Variants in SIGLEC6 observed in about 807,000 individuals in gnomAD.
SIGLEC6 encodes the protein sialic acid-binding Ig-like lectin 6.
Under a neutral mutation model 41.4 loss-of-function variants are expected in SIGLEC6, and 31 were observed. The ratio of observed to expected loss-of-function variants is 0.75; its 90% CI spans 0.56 to 1.01. The LOEUF (loss-of-function observed/expected upper bound fraction) is 1.01, where lower values mean the gene tolerates loss of function less well. Ranked by LOEUF, SIGLEC6 falls within the 50% of genes least tolerant of loss-of-function variation. SIGLEC6 has a pLI of 0.00. For missense variants in SIGLEC6, 555 were observed against 558.6 expected, an observed-to-expected ratio of 0.99 and a Z score of 0.06; for synonymous variants, 217 against 231.0, an observed-to-expected ratio of 0.94 and a Z score of 0.55.
intron 7 of SIGLEC6, among the ~76,000 whole-genome samples, chr19:51,524,164 G>T (rs892261804): frequency 6.6e-6 from 1 of 152,120 alleles, no homozygotes; most frequent in African/African-American, 2.4e-5. Context: ...AAATATAAAT[G>T]GTCTAAACAC....
chr19:51,530,279 C>G (rs926067843), intron 4 of SIGLEC6, among the ~76,000 whole-genome samples, 158 bp downstream of exon 4: 2 of 152,176 alleles, frequency 1.3e-5, no homozygotes, highest in African/African-American at 4.8e-5. Flanking sequence ...TGTGGCAGCT[C>G]CTGCCGAAGA....
intron 2 of SIGLEC6, 39 bp from the exon 3 acceptor site, chr19:51,530,998 C>G (rs1334671305): frequency 6.3e-7 from 1 of 1,596,188 alleles, no homozygotes; most frequent in Admixed American, 1.8e-5. Context: ...GGATGGAGGT[C>G]TGAGGTTTCA....
chr19:51,520,141 G>A lies in SIGLEC6; in HGVS notation c.1303C>T (p.Gln435Ter). The change falls in exon 8 of 8, where the codon CAA (glutamine) becomes TAA (stop). Residue 435 changes from glutamine (Q) to a stop codon, truncating the protein, a stop_gained. Transcript: ENST00000425629. LOFTEE classifies it low-confidence loss of function (END_TRUNC). Reference sequence around the variant, plus strand: ...TCGGTGACCTTTGGTTCCTGAGGTTGCACCTTGTGGAAGTGTAGGACAGCG... The same window carrying A: ...TCGGTGACCTTTGGTTCCTGAGGTTACACCTTGTGGAAGTGTAGGACAGCG... ...HYAVLHFHKVQPQEPKVTDTE... is the reference protein window; with the variant it reads ...HYAVLHFHKV 6.2e-7 allele frequency: 1 copy of A among 1,603,902 alleles called. No homozygotes were observed. The highest frequency in any genetic ancestry group is 8.5e-7 in the Non-Finnish European group (1 of 1,172,186).
At chr19:51,523,977 C>T (rs748464974) in intron 7 of SIGLEC6, among the ~76,000 whole-genome samples, 2 of 152,018 alleles carry the variant, frequency 1.3e-5, no homozygotes, top group South Asian at 2.1e-4. Context: ...GAGCTGAGAT[C>T]GTGCCACTGC....
chr19:51,530,120 G>C, intron 4 of SIGLEC6, 139 bp from the exon 5 acceptor site: 1 of 1,117,254 alleles, frequency 9.0e-7, no homozygotes. Context: ...GAAAAGCCCA[G>C]ACCATTTCCC....
chr19:51,530,568 A>T, intron 3 of SIGLEC6, 84 bp from the exon 4 acceptor site: 1 of 1,607,498 alleles, frequency 6.2e-7, no homozygotes, highest in Non-Finnish European at 8.5e-7. Flanking sequence ...CCATGAAAAC[A>T]GGGAAAGGGG....
At position 51,531,592 on chromosome 19, in the gene SIGLEC6, C is replaced by G; in HGVS notation, c.57G>C (p.Leu19=). 6.2e-7 allele frequency: 1 copy of G among 1,613,688 alleles called. No homozygotes were observed. The highest frequency in any genetic ancestry group is 1.1e-5 in the South Asian group (1 of 91,032). The change falls in exon 1 of 8, where the codon CTG becomes CTC. Residue 19 remains leucine (L), a synonymous_variant. Transcript: ENST00000425629. ...ASEMLPLLLP[L]LWAGALAQER... is the part of the protein sequence containing the mutation. ...CCCTGGCCCACTCACCTGCCCACAG[C>G]AGGGGCAGCAGCAGCGGTAGCATCT...
chr19:51,522,506 C>A (rs1481988032), intron 7 of SIGLEC6, among the ~76,000 whole-genome samples: 1 of 152,086 alleles, frequency 6.6e-6, no homozygotes, highest in Non-Finnish European at 1.5e-5. Flanking sequence ...AGACTTAGGC[C>A]AGGTATGGTT....
At chr19:51,531,555 A>G in intron 1 of SIGLEC6, 27 bp downstream of exon 1, 1 of 1,613,926 alleles carries the variant, frequency 6.2e-7, no homozygotes, top group Non-Finnish European at 8.5e-7. Flanking sequence ...GCCCAGCCCC[A>G]CGGCACCTCT....
In SIGLEC6 at chr19:51,520,074, A is replaced by G. The variant is rs368415839; in HGVS notation, c.*8T>C. ...TCTCCAATCAAGGTTATGGCTTTGG[A>G]CAATTCCTCACTTGTGTATCTTGAT... On this transcript the variant is annotated 3_prime_UTR_variant, in exon 8 of 8. Transcript: ENST00000425629. 47 of 1,545,098 alleles carry G rather than the reference A, an allele frequency of 3.0e-5. No homozygotes were observed. Among genetic ancestry groups the G allele is most frequent in the African/African-American group, 4.1e-5 (3 of 74,058 alleles).
chr19:51,530,381 AG>A, intron 4 of SIGLEC6, 55 bp downstream of exon 4: 1 of 1,484,002 alleles, frequency 6.7e-7, no homozygotes, highest in African/African-American at 1.4e-5. Context: ...GATCCCCGTT[AG>A]TCCCCACTCT....
In SIGLEC6 at chr19:51,530,825, T is replaced by G; in HGVS notation, c.562A>C (p.Thr188Pro). Residue 188 changes from threonine (T) to proline (P), a missense_variant, in exon 3 of 8, where the codon ACC becomes CCC. Coordinates refer to ENST00000425629, the MANE Select transcript of SIGLEC6 (RefSeq NM_001245.7). ...TGGGTGGTCCTGGGGCCCAGGGAGG[T>G]GGGGGCAGCTGACATCCAGGAGAAG... The part of the protein sequence containing the change: ...PIFSWMSAAP[T>P]SLGPRTTQSS... 1 of 1,612,766 alleles carries G rather than the reference T, an allele frequency of 6.2e-7. No individual in the cohort carries two copies. Among genetic ancestry groups the G allele is most frequent in the Non-Finnish European group, 8.5e-7 (1 of 1,179,666 alleles).
chr19:51,523,802 C>T (rs990489266), intron 7 of SIGLEC6, among the ~76,000 whole-genome samples: 1 of 152,142 alleles, frequency 6.6e-6, no homozygotes, highest in Non-Finnish European at 1.5e-5. Flanking sequence ...AGGTGGATCA[C>T]GAGGTCAGGA....
intron 7 of SIGLEC6, among the ~76,000 whole-genome samples, chr19:51,523,378 C>T (rs1248335923): frequency 6.6e-6 from 1 of 152,004 alleles, no homozygotes; most frequent in Non-Finnish European, 1.5e-5. Context: ...AACTGGGATC[C>T]CAGAAAGGGG....
chr19:51,529,474 C>T (rs1269071401), intron 5 of SIGLEC6: 13 of 525,872 alleles, frequency 2.5e-5, no homozygotes, highest in African/African-American at 5.7e-5. Flanking sequence ...ACCAAGGGTC[C>T]GGCTGGCTGG....
intron 3 of SIGLEC6, 23 bp downstream of exon 3, chr19:51,530,658 G>T: frequency 6.2e-7 from 1 of 1,612,096 alleles, no homozygotes; most frequent in Non-Finnish European, 8.5e-7. Context: ...TCAGGGACCC[G>T]GGCGTCCTGG....
Position 51,531,419 on chromosome 19 carries a change from G to C in SIGLEC6, c.168C>G (p.Thr56=), listed in dbSNP as rs200980849. 5.4e-5 allele frequency: 87 copies of C among 1,614,130 alleles called. No individual in the cohort carries two copies. The East Asian group carries it at 1.9e-3, about 36-fold the overall frequency. ...CVLVPCRLPT[T]LPASYYGYGY... Reference sequence around the variant, plus strand: ...CATAACCATAGTACGAGGCTGGAAGGGTAGTGGGCAATCTGCAGGGTACGA... The same window carrying C: ...CATAACCATAGTACGAGGCTGGAAGCGTAGTGGGCAATCTGCAGGGTACGA... The change falls in exon 2 of 8, where the codon ACC becomes ACG. Residue 56 remains threonine, a synonymous_variant. Coordinates refer to ENST00000425629, the MANE Select transcript of SIGLEC6 (RefSeq NM_001245.7).
chr19:51,530,403 G>T (rs767659127), intron 4 of SIGLEC6, 34 bp downstream of exon 4: 2 of 1,593,458 alleles, frequency 1.3e-6, no homozygotes, highest in Non-Finnish European at 1.7e-6. Context: ...GCTTCCATCT[G>T]GCCCTGGAGA....
At chr19:51,528,427 C>A in intron 5 of SIGLEC6, 174 bp from the exon 6 acceptor site, 2 of 623,518 alleles carry the variant, frequency 3.2e-6, no homozygotes, top group South Asian at 3.8e-5. Context: ...CTCCCCCTTC[C>A]CCCAACTGCA....
Sources: allele counts gnomAD v4.1 joint callset (sites outside exome capture counted in the v4.1 genomes callset), GRCh38; gene constraint gnomAD v4.1.1; transcripts MANE v1.5; gene names NCBI Gene and HGNC (gene_info 2026-07-23, HGNC 2026-07-21).